ROR2: variants seen among roughly 807,000 people sequenced by gnomAD.
The protein encoded by ROR2 is ROR family WNT receptor 2, also known as tyrosine-protein kinase transmembrane receptor ROR2.
A neutral mutation model predicts 74.9 loss-of-function variants in ROR2; 33 were observed. That is an observed-to-expected ratio of 0.44 (90% CI 0.33 to 0.59). The LOEUF (loss-of-function observed/expected upper bound fraction) is 0.59. Ranked by LOEUF, ROR2 falls within the 20% of genes least tolerant of loss-of-function variation. ROR2 has a pLI of 0.02. For synonymous variants in ROR2, 586 were observed against 558.7 expected (o/e 1.05, Z -0.69); for missense variants, 1,216 against 1,313.8 (o/e 0.93, Z 1.15).
At chr9:91,768,329 G>T (rs1180218244) in intron 2 of ROR2, among the ~76,000 whole-genome samples, 2 of 152,198 alleles carry the variant, frequency 1.3e-5, no homozygotes, top group Non-Finnish European at 2.9e-5. Context: ...AAGAAGAACG[G>T]CTGTAGAAGG....
intron 1 of ROR2, among the ~76,000 whole-genome samples, chr9:91,916,853 C>T (rs1345893226): frequency 2.0e-5 from 3 of 152,112 alleles, no homozygotes; most frequent in Admixed American, 6.6e-5. Context: ...GTGAAGTCGG[C>T]CACCAACATG....
intron 1 of ROR2, among the ~76,000 whole-genome samples, chr9:91,894,057 G>A (rs1038564675): frequency 6.6e-6 from 1 of 152,084 alleles, no homozygotes; most frequent in African/African-American, 2.4e-5. Flanking sequence ...ATGCACACAG[G>A]ATGAAATCCA....
At chr9:91,863,487 G>A (rs1829536320) in intron 1 of ROR2, among the ~76,000 whole-genome samples, 1 of 152,060 alleles carries the variant, frequency 6.6e-6, no homozygotes, top group South Asian at 2.1e-4. Flanking sequence ...TAGAAATGTG[G>A]TAATATATCC....
At chr9:91,758,150 C>G (rs1255749492) in intron 2 of ROR2, among the ~76,000 whole-genome samples, 1 of 152,232 alleles carries the variant, frequency 6.6e-6, no homozygotes, top group African/African-American at 2.4e-5. Flanking sequence ...CAGACCATCG[C>G]CTTGTTTAGC....
intron 1 of ROR2, among the ~76,000 whole-genome samples, chr9:91,789,425 A>G (rs1400331388): frequency 6.6e-6 from 1 of 152,180 alleles, no homozygotes; most frequent in Non-Finnish European, 1.5e-5. Flanking sequence ...GACAGTATAA[A>G]CATGTTTTTT....
At chr9:91,817,392 G>A (rs912546056) in intron 1 of ROR2, among the ~76,000 whole-genome samples, 32 of 152,304 alleles carry the variant, frequency 2.1e-4, no homozygotes, top group African/African-American at 7.2e-4. Flanking sequence ...GCAGGTGGCC[G>A]TGCAAGATAG....
At chr9:91,788,002 T>A (rs1016816075) in intron 1 of ROR2, among the ~76,000 whole-genome samples, 1 of 152,222 alleles carries the variant, frequency 6.6e-6, no homozygotes, top group Admixed American at 6.5e-5. Flanking sequence ...AATAACTTTA[T>A]CTTCCTGAAT....
intron 2 of ROR2, among the ~76,000 whole-genome samples, chr9:91,759,630 G>A (rs1825854585): frequency 6.6e-6 from 1 of 152,174 alleles, no homozygotes; most frequent in Admixed American, 6.5e-5. Flanking sequence ...CTGTGACGAT[G>A]TGAAGTGGTG....
At position 91,723,445 on chromosome 9, in the gene ROR2, G is replaced by C; in HGVS notation, c.*217C>G. The C allele has an allele frequency of 1.5e-6, 1 of 663,210 alleles. No homozygotes were observed. The highest frequency in any genetic ancestry group is 1.8e-5 in the African/African-American group (1 of 55,150). 41.1% of individuals were successfully genotyped at this position (663,210 alleles called of 1,614,324 possible). ...GTCCTGCTCCCCAGGACGCCGTGCTGCCAGACCCCCTGCCTGGCTTGGGTG... is the reference window on the plus strand; with the variant it reads ...GTCCTGCTCCCCAGGACGCCGTGCTCCCAGACCCCCTGCCTGGCTTGGGTG... On this transcript the variant is annotated 3_prime_UTR_variant, in exon 9 of 9. Coordinates refer to ENST00000375708, the MANE Select transcript of ROR2 (RefSeq NM_004560.4).
intron 2 of ROR2, among the ~76,000 whole-genome samples, chr9:91,769,991 C>A (rs1826177521): frequency 2.6e-5 from 4 of 152,262 alleles, no homozygotes; most frequent in Admixed American, 2.6e-4. Flanking sequence ...CCGTGCCCAT[C>A]CGAGTACCGC....
intron 1 of ROR2, among the ~76,000 whole-genome samples, chr9:91,808,614 C>T (rs1441342308): frequency 6.7e-6 from 1 of 149,468 alleles, no homozygotes; most frequent in Non-Finnish European, 1.5e-5. Context: ...CAGAGCAAGA[C>T]TCCATCTCAA....
chr9:91,768,182 C>T (rs563873263), intron 2 of ROR2, among the ~76,000 whole-genome samples: 206 of 152,244 alleles, frequency 1.4e-3, no homozygotes, highest in Non-Finnish European at 2.6e-3. Context: ...ACCGACTCTG[C>T]CAACAAACCT....
At chr9:91,740,445 G>A (rs964414107) in intron 4 of ROR2, among the ~76,000 whole-genome samples, 2 of 151,846 alleles carry the variant, frequency 1.3e-5, no homozygotes, top group African/African-American at 2.4e-5. Context: ...CCAGCTACTC[G>A]GGAGGCTGGG....
intron 1 of ROR2, among the ~76,000 whole-genome samples, chr9:91,892,590 C>CTTTT (rs547073635): frequency 1.4e-4 from 15 of 105,414 alleles, no homozygotes; most frequent in East Asian, 2.6e-4. Flanking sequence ...CTTTTCTTTT[C>CTTTT]TTTTTTTTTT....
At chr9:91,890,281 G>A (rs1014432349) in intron 1 of ROR2, among the ~76,000 whole-genome samples, 8 of 152,246 alleles carry the variant, frequency 5.3e-5, no homozygotes, top group African/African-American at 7.2e-5. Context: ...AGCCACTGTC[G>A]GCCTCAAGCA....
At chr9:91,882,339 A>T (rs2119368108) in intron 1 of ROR2, among the ~76,000 whole-genome samples, 1 of 151,182 alleles carries the variant, frequency 6.6e-6, no homozygotes, top group South Asian at 2.1e-4. Flanking sequence ...TGAACCCAGG[A>T]GGCGGAGGTT....
intron 1 of ROR2, among the ~76,000 whole-genome samples, chr9:91,816,482 G>A (rs1399189965): frequency 2.6e-5 from 4 of 152,004 alleles, no homozygotes; most frequent in East Asian, 3.9e-4. Flanking sequence ...GTCTTGAGAC[G>A]TGGACACTTG....
chr9:91,813,752 C>T (rs114310620), intron 1 of ROR2, among the ~76,000 whole-genome samples: 4 of 152,270 alleles, frequency 2.6e-5, no homozygotes, highest in African/African-American at 9.6e-5. Flanking sequence ...TCTGAGAGCC[C>T]TTTCTGACTC....
At chr9:91,809,700 G>A (rs965399535) in intron 1 of ROR2, among the ~76,000 whole-genome samples, 1 of 152,218 alleles carries the variant, frequency 6.6e-6, no homozygotes, top group Non-Finnish European at 1.5e-5. Context: ...AGGCGTCTGG[G>A]GTACAGCCGG....
Sources: gnomAD v4.1 joint callset for allele counts (sites outside exome capture counted in the v4.1 genomes callset) on GRCh38, gnomAD v4.1.1 for gene constraint, MANE v1.5 for transcripts, NCBI Gene and HGNC (gene_info 2026-07-23, HGNC 2026-07-21) for gene names.